The following MICAL2 variants were observed in gnomAD, a reference collection of about 807,000 sequenced individuals.
MICAL2 encodes microtubule associated monooxygenase, calponin and LIM domain containing 2, also known as [F-actin]-monooxygenase MICAL2.
MICAL2 carries 77 observed loss-of-function variants against 127.3 expected under a neutral mutation model. The observed-to-expected ratio is 0.60, with a 90% CI of 0.50 to 0.73. The LOEUF (loss-of-function observed/expected upper bound fraction) is 0.73, where lower values mean the gene tolerates loss of function less well. Ranked by LOEUF, MICAL2 falls within the 30% of genes least tolerant of loss-of-function variation. The probability of loss-of-function intolerance (pLI) is 0.00; values close to 1 mark genes in which losing one functional copy is unlikely to be tolerated. For missense variants in MICAL2, 1,351 were observed against 1,434.4 expected (o/e 0.94, Z 0.94); for synonymous variants, 570 against 551.1 (o/e 1.03, Z -0.48).
intron 2 of MICAL2, among the ~76,000 whole-genome samples, chr11:12,151,102 C>G (rs1423188258): frequency 6.6e-6 from 1 of 152,136 alleles, no homozygotes; most frequent in Non-Finnish European, 1.5e-5. Context: ...CTTCCAGGGA[C>G]TCAAGAGCTG....
intron 2 of MICAL2, among the ~76,000 whole-genome samples, chr11:12,158,813 T>C (rs769033135): frequency 3.3e-5 from 5 of 152,208 alleles, no homozygotes; most frequent in African/African-American, 9.7e-5. Context: ...GAGGCCAAGA[T>C]GGATGAGGTA....
At chr11:12,141,012 T>C (rs764125733) in intron 2 of MICAL2, among the ~76,000 whole-genome samples, 2 of 152,190 alleles carry the variant, frequency 1.3e-5, no homozygotes, top group Admixed American at 6.5e-5. Context: ...TGGCAAGGGC[T>C]GGAGAAACAA....
chr11:12,192,367 C>T (rs974673977), intron 3 of MICAL2, among the ~76,000 whole-genome samples: 8 of 152,148 alleles, frequency 5.3e-5, no homozygotes, highest in Non-Finnish European at 8.8e-5. Flanking sequence ...GTCTGTCAAG[C>T]GATGCAAACT....
At chr11:12,276,042 G>T, upstream of MICAL2, 1 of 399,292 alleles carries the variant, frequency 2.5e-6, no homozygotes. Context: ...GCACAGTGAT[G>T]CGGAAGGGGA....
At chr11:12,128,753 G>A (rs77370354) in intron 1 of MICAL2, among the ~76,000 whole-genome samples, 1 of 152,308 alleles carries the variant, frequency 6.6e-6, no homozygotes, top group East Asian at 1.9e-4. Flanking sequence ...CCCAAAAGGA[G>A]CAGAGCCTGA....
chr11:12,180,557 A>G (rs1857334135), intron 3 of MICAL2, among the ~76,000 whole-genome samples: 1 of 152,120 alleles, frequency 6.6e-6, no homozygotes, highest in African/African-American at 2.4e-5. Flanking sequence ...ATAACATCAC[A>G]ATAGTATAAA....
At chr11:12,198,836 G>A (rs1370247663) in intron 3 of MICAL2, among the ~76,000 whole-genome samples, 1 of 152,240 alleles carries the variant, frequency 6.6e-6, no homozygotes. Flanking sequence ...CTCAAGCTCT[G>A]TCCAGCCTAT....
At position 12,352,067 on chromosome 11, in the gene MICAL2, C is replaced by T. The variant is rs367621716; in HGVS notation, c.5615+2130C>T. ...CCTCCCAAAGTGCTGGAATTACAGG[C>T]CTGAGCCACCATGCTCAGCCTTATT... On this transcript the variant is annotated intron_variant, in intron 33 of 34. Coordinates refer to the MICAL2 transcript ENST00000646065. Among the ~76,000 whole-genome samples, 18 of 152,252 alleles carry T rather than the reference C, an allele frequency of 1.2e-4. No individual in the cohort carries two copies. In the East Asian group the frequency reaches 1.9e-3, roughly 16 times the overall value.
intron 29 of MICAL2, among the ~76,000 whole-genome samples, chr11:12,305,383 C>T (rs1486306711): frequency 2.0e-5 from 3 of 152,160 alleles, no homozygotes; most frequent in Non-Finnish European, 2.9e-5. Flanking sequence ...AAAATCCAAT[C>T]ACTTCCCTCT....
chr11:12,208,421 G>T, intron 5 of MICAL2: 1 of 310,838 alleles, frequency 3.2e-6, no homozygotes, highest in East Asian at 7.4e-5. Flanking sequence ...TCAATAAATA[G>T]GACAGAAGAC....
intron 32 of MICAL2, among the ~76,000 whole-genome samples, chr11:12,331,959 A>G (rs945896250): frequency 4.6e-5 from 7 of 152,186 alleles, no homozygotes; most frequent in Non-Finnish European, 1.0e-4. Context: ...TACTCCCTAC[A>G]AGAGATTTAA....
upstream of MICAL2, among the ~76,000 whole-genome samples, chr11:12,273,856 G>A (rs1426458030): frequency 6.6e-6 from 1 of 152,120 alleles, no homozygotes; most frequent in African/African-American, 2.4e-5. Flanking sequence ...CTGTGAATTG[G>A]ACTTAGAAAC....
chr11:12,152,106 G>A (rs2133727323), intron 2 of MICAL2, among the ~76,000 whole-genome samples: 1 of 149,586 alleles, frequency 6.7e-6, no homozygotes, highest in Admixed American at 6.7e-5. Context: ...TGGCCAACAT[G>A]GTGAAACCCC....
At chr11:12,151,444 A>C (rs1025017031) in intron 2 of MICAL2, among the ~76,000 whole-genome samples, 1 of 152,174 alleles carries the variant, frequency 6.6e-6, no homozygotes, top group Non-Finnish European at 1.5e-5. Flanking sequence ...GCCAAATTTG[A>C]CATACCCACT....
At position 12,268,806 on chromosome 11, in the gene MICAL2, T is replaced by C. The variant is rs375301283; in HGVS notation, c.3335-7180T>C. Among the ~76,000 whole-genome samples the C allele has an allele frequency of 1.5e-3, 231 of 149,126 alleles. 2 individuals are homozygous for C. Among genetic ancestry groups the C allele is most frequent in the African/African-American group, 4.7e-3 (189 of 40,260 alleles). On this transcript the variant is annotated intron_variant, in intron 24 of 34. Coordinates refer to the MICAL2 transcript ENST00000646065. The stretch of plus-strand genomic sequence containing the variant: ...GAGATCGAGACCATCCTGGCTAACA[T>C]GGTGAAACACTGTCTCTACTAAAAA...
chr11:12,292,056 T>C (rs1489934895), downstream of MICAL2: 1 of 1,459,770 alleles, frequency 6.9e-7, no homozygotes, highest in African/African-American at 1.4e-5. Flanking sequence ...TGACTGTTTA[T>C]AGAATTGGAG....
At chr11:12,303,818 C>T (rs1407670021) in intron 29 of MICAL2, 1 of 152,128 alleles carries the variant, frequency 6.6e-6, no homozygotes, top group Non-Finnish European at 1.5e-5. Flanking sequence ...AAGAGGATTG[C>T]TTGAGTCCAG....
chr11:12,251,852 G>A (rs1165143118), intron 22 of MICAL2, among the ~76,000 whole-genome samples: 1 of 152,284 alleles, frequency 6.6e-6, no homozygotes, highest in East Asian at 1.9e-4. Context: ...TTGCTCAGAA[G>A]CTCAGTGCAC....
At chr11:12,191,962 G>A (rs1443706444) in intron 3 of MICAL2, among the ~76,000 whole-genome samples, 1 of 151,964 alleles carries the variant, frequency 6.6e-6, no homozygotes. Context: ...AGGGCAGGAG[G>A]ACCAGCAAGG....
Sources: gnomAD v4.1 joint callset for allele counts (sites outside exome capture counted in the v4.1 genomes callset) on GRCh38, gnomAD v4.1.1 for gene constraint, MANE v1.5 for transcripts, NCBI Gene and HGNC (gene_info 2026-07-23, HGNC 2026-07-21) for gene names.